The following BCKDHB variants were observed in gnomAD, a reference collection of about 807,000 sequenced individuals.
BCKDHB encodes the protein branched chain keto acid dehydrogenase E1 subunit beta, also known as 2-oxoisovalerate dehydrogenase subunit beta, mitochondrial.
Under a neutral mutation model 48.5 loss-of-function variants are expected in BCKDHB, and 41 were observed. The ratio of observed to expected loss-of-function variants is 0.85; its 90% CI spans 0.66 to 1.10. BCKDHB has a LOEUF of 1.10. BCKDHB is among the 50% of genes least tolerant of loss of function. BCKDHB has a pLI of 0.00. For missense variants in BCKDHB, 496 were observed against 494.2 expected, an observed-to-expected ratio of 1.00 and a Z score of -0.03; for synonymous variants, 201 against 174.8, an observed-to-expected ratio of 1.15 and a Z score of -1.18.
the BCKDHB span, among the ~76,000 whole-genome samples, chr6:80,352,587 C>T: frequency 6.6e-6 from 1 of 152,174 alleles, no homozygotes; most frequent in African/African-American, 2.4e-5. Context: ...CATTCTAATT[C>T]AACCATTCTA....
intron 8 of BCKDHB, among the ~76,000 whole-genome samples, chr6:80,271,588 G>C (rs778093528): frequency 3.9e-5 from 6 of 152,042 alleles, no homozygotes; most frequent in Admixed American, 1.3e-4. Flanking sequence ...GGTTGTGTAG[G>C]GTTTTAGGGT....
chr6:80,413,219 A>T, the BCKDHB span, among the ~76,000 whole-genome samples: 23 of 152,166 alleles, frequency 1.5e-4, no homozygotes, highest in Non-Finnish European at 3.4e-4. Context: ...TCAAAGACTT[A>T]TCAATCTCTC....
At chr6:80,416,141 G>A in the BCKDHB span, among the ~76,000 whole-genome samples, 1 of 151,486 alleles carries the variant, frequency 6.6e-6, no homozygotes, top group African/African-American at 2.4e-5. Context: ...TTCTGATGGT[G>A]TGTATTTGTC....
the BCKDHB span, among the ~76,000 whole-genome samples, chr6:80,422,850 G>T: frequency 6.6e-6 from 1 of 152,130 alleles, no homozygotes; most frequent in Non-Finnish European, 1.5e-5. Flanking sequence ...CAGGCTTATA[G>T]GTGGAAGGGA....
At chr6:80,307,194 T>G (rs1767924643) in intron 9 of BCKDHB, among the ~76,000 whole-genome samples, 1 of 152,182 alleles carries the variant, frequency 6.6e-6, no homozygotes. Flanking sequence ...TAGAACCTAC[T>G]ACTTATTAAT....
chr6:80,320,464 T>G (rs908089070), intron 9 of BCKDHB, among the ~76,000 whole-genome samples: 12 of 152,336 alleles, frequency 7.9e-5, no homozygotes, highest in African/African-American at 2.9e-4. Context: ...TGCTTCTATT[T>G]TCTATCTTTC....
the BCKDHB span, among the ~76,000 whole-genome samples, chr6:80,433,810 C>G: frequency 6.6e-6 from 1 of 152,160 alleles, no homozygotes; most frequent in African/African-American, 2.4e-5. Context: ...GTGTGTGATG[C>G]ACGGTTGTGC....
intron 8 of BCKDHB, among the ~76,000 whole-genome samples, chr6:80,257,665 G>T (rs951248171): frequency 7.9e-5 from 12 of 151,930 alleles, no homozygotes; most frequent in Admixed American, 5.9e-4. Context: ...TGGTAGAGAG[G>T]CTCAGACTAA....
At chr6:80,438,684 G>A in the BCKDHB span, among the ~76,000 whole-genome samples, 2 of 152,248 alleles carry the variant, frequency 1.3e-5, no homozygotes, top group South Asian at 4.1e-4. Flanking sequence ...AATTAGAGAA[G>A]TAACATTTTC....
chr6:80,441,891 G>A, the BCKDHB span, among the ~76,000 whole-genome samples: 1 of 152,106 alleles, frequency 6.6e-6, no homozygotes, highest in African/African-American at 2.4e-5. Flanking sequence ...CAGTGGAATA[G>A]GAGAGCTTAA....
At chr6:80,115,433 C>G (rs1769639302) in intron 1 of BCKDHB, among the ~76,000 whole-genome samples, 1 of 152,104 alleles carries the variant, frequency 6.6e-6, no homozygotes, top group Non-Finnish European at 1.5e-5. Context: ...AGGTACATAC[C>G]TGGTCAATAG....
chr6:80,241,921 T>TTTGTGGA (rs1562167689), intron 8 of BCKDHB, among the ~76,000 whole-genome samples: 1 of 152,228 alleles, frequency 6.6e-6, no homozygotes, highest in East Asian at 1.9e-4. Flanking sequence ...TTCTTACTGA[T>TTTGTGGA]TTGTGGATTT....
intron 3 of BCKDHB, among the ~76,000 whole-genome samples, chr6:80,165,654 G>C (rs1280760415): frequency 6.6e-6 from 1 of 152,154 alleles, no homozygotes; most frequent in Non-Finnish European, 1.5e-5. Context: ...CATGAGCTGA[G>C]AGGTGGTGAA....
At chr6:80,337,348 T>C (rs1416417686) in intron 9 of BCKDHB, among the ~76,000 whole-genome samples, 1 of 152,096 alleles carries the variant, frequency 6.6e-6, no homozygotes, top group Non-Finnish European at 1.5e-5. Flanking sequence ...ACTGGTTTTG[T>C]TTTTCTCATA....
intron 9 of BCKDHB, among the ~76,000 whole-genome samples, chr6:80,311,311 C>T (rs993787809): frequency 2.6e-5 from 4 of 152,122 alleles, no homozygotes; most frequent in East Asian, 1.9e-4. Flanking sequence ...TGCCCAGTCT[C>T]GGGTATGCCT....
intron 8 of BCKDHB, among the ~76,000 whole-genome samples, chr6:80,235,587 C>T (rs947828952): frequency 6.6e-6 from 1 of 152,166 alleles, no homozygotes; most frequent in African/African-American, 2.4e-5. Context: ...ATATTAAACC[C>T]ATGTTCTTGA....
chr6:80,431,782 G>T, the BCKDHB span, among the ~76,000 whole-genome samples: 1 of 152,138 alleles, frequency 6.6e-6, no homozygotes, highest in African/African-American at 2.4e-5. Flanking sequence ...CAATTTGCCA[G>T]TCTGTGTCTT....
At chr6:80,186,058 A>T (rs1562118639) in intron 6 of BCKDHB, among the ~76,000 whole-genome samples, 1 of 152,116 alleles carries the variant, frequency 6.6e-6, no homozygotes, top group Non-Finnish European at 1.5e-5. Flanking sequence ...TGGTGCTTTT[A>T]AAAGAGTGCC....
chr6:80,395,124 C>G, the BCKDHB span, among the ~76,000 whole-genome samples: 2 of 152,080 alleles, frequency 1.3e-5, no homozygotes, highest in Non-Finnish European at 2.9e-5. Context: ...TGAGAATGGC[C>G]TAATACAGTA....
Sources: allele counts gnomAD v4.1 joint callset (sites outside exome capture counted in the v4.1 genomes callset), GRCh38; gene constraint gnomAD v4.1.1; transcripts MANE v1.5; gene names NCBI Gene and HGNC (gene_info 2026-07-23, HGNC 2026-07-21).